NFIB: variants seen among roughly 807,000 people sequenced by gnomAD.
The protein encoded by NFIB is nuclear factor I B.
NFIB carries 11 observed loss-of-function variants against 61.5 expected under a neutral mutation model. That is an observed-to-expected ratio of 0.18 (90% CI 0.11 to 0.30). NFIB has a LOEUF of 0.30. Ranked by LOEUF, NFIB falls within the 10% of genes least tolerant of loss-of-function variation. The pLI is 1.00. For missense variants in NFIB, 471 were observed against 608.9 expected (o/e 0.77, Z 2.38); for synonymous variants, 260 against 216.5 (o/e 1.20, Z -1.76).
intron 1 of NFIB, among the ~76,000 whole-genome samples, chr9:14,346,129 G>T (rs2061015605): frequency 6.6e-6 from 1 of 152,202 alleles, no homozygotes; most frequent in Middle Eastern, 3.4e-3. Flanking sequence ...CGCCGCGGGC[G>T]CGGGGGGCGC....
chr9:14,446,164 G>A, the NFIB span, among the ~76,000 whole-genome samples: 17 of 152,216 alleles, frequency 1.1e-4, no homozygotes, highest in African/African-American at 4.1e-4. Flanking sequence ...TCCTCATTTT[G>A]ATTTTGGTTT....
At chr9:14,492,624 G>C in the NFIB span, among the ~76,000 whole-genome samples, 1 of 151,988 alleles carries the variant, frequency 6.6e-6, no homozygotes, top group Non-Finnish European at 1.5e-5. Flanking sequence ...CGGATCTCAC[G>C]GGAACTCTAT....
the NFIB span, among the ~76,000 whole-genome samples, chr9:14,511,782 C>A: frequency 6.6e-6 from 1 of 152,186 alleles, no homozygotes. Context: ...CCCAAAGTCA[C>A]ACTGTCTTAA....
At chr9:14,522,616 CA>C in the NFIB span, among the ~76,000 whole-genome samples, 4 of 152,118 alleles carry the variant, frequency 2.6e-5, no homozygotes. Context: ...TCGATAATAG[CA>C]AACTACCTGG....
At chr9:14,119,459 C>G (rs575211730) in intron 8 of NFIB, among the ~76,000 whole-genome samples, 1 of 152,048 alleles carries the variant, frequency 6.6e-6, no homozygotes, top group East Asian at 1.9e-4. Context: ...TCAGAAAGGA[C>G]CATTTTGTTT....
chr9:14,323,919 A>G (rs1020281611), intron 1 of NFIB, among the ~76,000 whole-genome samples: 4 of 152,236 alleles, frequency 2.6e-5, no homozygotes, highest in African/African-American at 9.6e-5. Context: ...GTGCAAAACT[A>G]AAAGTGGGAT....
At position 14,336,877 on chromosome 9, in the gene NFIB, C is replaced by T. The variant is rs577711693; in HGVS notation, c.109-29357G>A. ...GATTTTAGGTTTTGCAGGTCATACA[C>T]TCTCCGTCACAACTACTCAACTCTG... On this transcript the variant is annotated intron_variant, in intron 1 of 8. Transcript: ENST00000380934. Among the ~76,000 whole-genome samples, 34 of 152,292 alleles carry T rather than the reference C, an allele frequency of 2.2e-4. No individual in the cohort carries two copies. The Middle Eastern group carries it at 0.01, about 46-fold the overall frequency.
intron 3 of NFIB, among the ~76,000 whole-genome samples, chr9:14,178,726 T>G: frequency 6.6e-6 from 1 of 152,274 alleles, no homozygotes; most frequent in Non-Finnish European, 1.5e-5. Flanking sequence ...TAAGACAAAA[T>G]TGGTCTGATA....
intron 2 of NFIB, among the ~76,000 whole-genome samples, chr9:14,216,230 A>G (rs2131774728): frequency 6.6e-6 from 1 of 152,334 alleles, no homozygotes; most frequent in African/African-American, 2.4e-5. Context: ...ATAACAAACT[A>G]TATAAATAAT....
At chr9:14,433,404 C>T in the NFIB span, among the ~76,000 whole-genome samples, 15 of 152,250 alleles carry the variant, frequency 9.9e-5, no homozygotes, top group African/African-American at 7.2e-5. Context: ...CTTACATTAT[C>T]CAATGATGCA....
chr9:14,115,743 A>G (rs2038032175), intron 9 of NFIB, among the ~76,000 whole-genome samples: 1 of 152,216 alleles, frequency 6.6e-6, no homozygotes, highest in Admixed American at 6.5e-5. Context: ...ATAACCTACA[A>G]TGATGTAAAC....
intron 2 of NFIB, among the ~76,000 whole-genome samples, chr9:14,229,678 C>A (rs1404771778): frequency 1.3e-5 from 2 of 152,182 alleles, no homozygotes; most frequent in Non-Finnish European, 2.9e-5. Context: ...ATTTCCTCAT[C>A]ATTTGCACTC....
intron 10 of NFIB, among the ~76,000 whole-genome samples, chr9:14,091,806 C>A (rs1234633985): frequency 1.3e-5 from 2 of 151,640 alleles, no homozygotes; most frequent in East Asian, 3.9e-4. Context: ...GCAAAAAAAT[C>A]AAGCAGAAAA....
chr9:14,422,799 G>A, the NFIB span, among the ~76,000 whole-genome samples: 3 of 152,136 alleles, frequency 2.0e-5, no homozygotes, highest in Non-Finnish European at 2.9e-5. Flanking sequence ...TCCCAGCCCT[G>A]CCAGCCATAG....
At chr9:14,237,844 T>A (rs1178709938) in intron 2 of NFIB, among the ~76,000 whole-genome samples, 4 of 89,202 alleles carry the variant, frequency 4.5e-5, no homozygotes, top group South Asian at 3.4e-4. Context: ...GGTATAACAG[T>A]GTGTGTGTGT....
rs3081606 is a variant in NFIB, at chr9:14,322,076, T to TA, written c.109-14557dup. 282 of 1,111,598 alleles carry TA rather than the reference T, an allele frequency of 2.5e-4. 3 individuals carry two copies. In the African/African-American group the frequency reaches 5.4e-3, roughly 21 times the overall value. The allele number at this position is 1,111,598 out of a possible 1,614,324, so 68.9% of individuals were successfully genotyped here. On this transcript the variant is annotated intron_variant, in intron 1 of 8. Transcript: ENST00000380934. The stretch of plus-strand genomic sequence containing the variant: ...TTTGGTGTCGCTTTTTGTGTTTAGT[T>TA]AAAAAAAAAAAAAAAAAAAAAAAAA...
At chr9:14,414,431 C>CAAAAAA in the NFIB span, among the ~76,000 whole-genome samples, 4 of 56,600 alleles carry the variant, frequency 7.1e-5, no homozygotes, top group Non-Finnish European at 1.2e-4. Flanking sequence ...GAGACTGTCT[C>CAAAAAA]AAAAAAAAAA....
chr9:14,231,108 T>G (rs2053081752), intron 2 of NFIB, among the ~76,000 whole-genome samples: 1 of 91,882 alleles, frequency 1.1e-5, no homozygotes. Flanking sequence ...TGGCCTACAG[T>G]TTTTCCATGG....
chr9:14,416,262 T>G, the NFIB span, among the ~76,000 whole-genome samples: 2 of 152,198 alleles, frequency 1.3e-5, no homozygotes, highest in Non-Finnish European at 2.9e-5. Flanking sequence ...CTTTTTATTG[T>G]TATTTTAGAG....
Sources: gnomAD v4.1 joint callset for allele counts (sites outside exome capture counted in the v4.1 genomes callset) on GRCh38, gnomAD v4.1.1 for gene constraint, MANE v1.5 for transcripts, NCBI Gene and HGNC (gene_info 2026-07-23, HGNC 2026-07-21) for gene names.